The following PALM2AKAP2 variants were observed in gnomAD, a reference collection of about 807,000 sequenced individuals.
PALM2AKAP2 encodes the protein PALM2 and AKAP2 fusion, also known as PALM2-AKAP2 fusion protein.
A neutral mutation model predicts 71.5 loss-of-function variants in PALM2AKAP2; 37 were observed. That is an observed-to-expected ratio of 0.52 (90% confidence interval 0.40 to 0.68). The LOEUF (loss-of-function observed/expected upper bound fraction) is 0.68. Ranked by LOEUF, PALM2AKAP2 falls within the 30% of genes least tolerant of loss-of-function variation. The probability of loss-of-function intolerance (pLI) is 0.00; values close to 1 mark genes in which losing one functional copy is unlikely to be tolerated. For missense variants in PALM2AKAP2, 1,224 were observed against 1,191.8 expected (o/e 1.03, Z -0.40); for synonymous variants, 468 against 478.8 (o/e 0.98, Z 0.29).
Position 109,736,387 on chromosome 9 carries a change from G to A in PALM2AKAP2, c.6-44101G>A, listed in dbSNP as rs1401719123. Among the ~76,000 whole-genome samples, 7 of 152,138 alleles carry A rather than the reference G, an allele frequency of 4.6e-5. No homozygotes were observed. In the East Asian group the frequency reaches 1.2e-3, roughly 25 times the overall value. ...AAGACATGTTCCAAGAATGGTCTAG[G>A]TGTTATGAAAGGGCTTAATCTTCCA... On this transcript the variant is annotated intron_variant, in intron 1 of 6. Coordinates refer to the PALM2AKAP2 transcript ENST00000374531.
chr9:109,768,000 GGC>G (rs1238011130), intron 1 of PALM2AKAP2, among the ~76,000 whole-genome samples: 12,650 of 107,082 alleles, frequency 0.12, 1,522 homozygotes, highest in African/African-American at 0.27. Flanking sequence ...AGGGAGCAAA[GGC>G]AGGTAGGTAG....
chr9:109,716,845 G>T (rs909063376), intron 1 of PALM2AKAP2, among the ~76,000 whole-genome samples: 3 of 152,184 alleles, frequency 2.0e-5, no homozygotes, highest in Non-Finnish European at 4.4e-5. Flanking sequence ...GGTTAGGTTT[G>T]GCTTTTGGTT....
chr9:109,791,479 C>T (rs1564150297), intron 1 of PALM2AKAP2, among the ~76,000 whole-genome samples: 1 of 152,188 alleles, frequency 6.6e-6, no homozygotes, highest in Non-Finnish European at 1.5e-5. Context: ...TTCCAGCCTT[C>T]CTCCAGCAGA....
chr9:109,687,653 A>G (rs1176161069), intron 1 of PALM2AKAP2, among the ~76,000 whole-genome samples: 1 of 152,212 alleles, frequency 6.6e-6, no homozygotes, highest in Non-Finnish European at 1.5e-5. Flanking sequence ...TCTTGATATC[A>G]GCAATAAGAC....
At chr9:109,729,995 T>C (rs1483204143) in intron 1 of PALM2AKAP2, among the ~76,000 whole-genome samples, 4 of 152,228 alleles carry the variant, frequency 2.6e-5, no homozygotes, top group African/African-American at 9.6e-5. Context: ...AACAAGCGTG[T>C]ACTAATTATT....
At chr9:109,994,159 C>G (rs542596575) in intron 6 of PALM2AKAP2, among the ~76,000 whole-genome samples, 1 of 152,302 alleles carries the variant, frequency 6.6e-6, no homozygotes, top group South Asian at 2.1e-4. Flanking sequence ...TTATTCACAT[C>G]GTATATCAAA....
At chr9:109,806,391 A>G (rs1827573433) in intron 1 of PALM2AKAP2, among the ~76,000 whole-genome samples, 1 of 152,198 alleles carries the variant, frequency 6.6e-6, no homozygotes, top group African/African-American at 2.4e-5. Flanking sequence ...TATGTTATAG[A>G]TATATTTGTG....
chr9:110,135,164 A>AAAAAAAAT, intron 1 of PALM2AKAP2, among the ~76,000 whole-genome samples: 2 of 51,730 alleles, frequency 3.9e-5, no homozygotes, highest in East Asian at 2.5e-3. Context: ...AAAAAAAAAA[A>AAAAAAAAT]ATATATAAAT....
chr9:109,773,426 T>C (rs979617186), intron 1 of PALM2AKAP2, among the ~76,000 whole-genome samples: 1 of 152,222 alleles, frequency 6.6e-6, no homozygotes, highest in Admixed American at 6.5e-5. Flanking sequence ...CATGAGTCAC[T>C]GCACCTGGCC....
At chr9:109,801,247 A>T (rs979171297) in intron 1 of PALM2AKAP2, among the ~76,000 whole-genome samples, 22 of 152,218 alleles carry the variant, frequency 1.4e-4, no homozygotes, top group Non-Finnish European at 2.4e-4. Context: ...AGACAAGAGA[A>T]TGGGGAAGAT....
At chr9:109,772,923 C>A (rs1251102165) in intron 1 of PALM2AKAP2, among the ~76,000 whole-genome samples, 1 of 152,104 alleles carries the variant, frequency 6.6e-6, no homozygotes, top group Admixed American at 6.5e-5. Flanking sequence ...TGGAGACCAT[C>A]CTGGCTAACA....
intron 1 of PALM2AKAP2, among the ~76,000 whole-genome samples, chr9:110,109,329 A>C (rs1469413567): frequency 1.4e-5 from 2 of 144,788 alleles, no homozygotes; most frequent in Non-Finnish European, 3.0e-5. Context: ...AAAAAAAAAA[A>C]AAAAAAACCA....
At chr9:110,048,657 C>T (rs1351278521), upstream of PALM2AKAP2, 6 of 1,474,912 alleles carry the variant, frequency 4.1e-6, no homozygotes, top group South Asian at 1.3e-5. Flanking sequence ...GCGGGCGGGG[C>T]TCCCCGCCCT....
At chr9:109,887,996 A>G (rs1346533741) in intron 3 of PALM2AKAP2, among the ~76,000 whole-genome samples, 1 of 152,156 alleles carries the variant, frequency 6.6e-6, no homozygotes, top group East Asian at 1.9e-4. Context: ...GCCGGTCTTC[A>G]GCCTATTGTG....
At chr9:109,925,544 C>T (rs1830938320) in intron 5 of PALM2AKAP2, among the ~76,000 whole-genome samples, 1 of 152,076 alleles carries the variant, frequency 6.6e-6, no homozygotes, top group Admixed American at 6.5e-5. Context: ...TTTGCTTTCT[C>T]TCTCTCTCTC....
At chr9:109,800,955 G>A (rs1827413448) in intron 1 of PALM2AKAP2, among the ~76,000 whole-genome samples, 1 of 152,200 alleles carries the variant, frequency 6.6e-6, no homozygotes, top group South Asian at 2.1e-4. Context: ...TGATGAGTGG[G>A]AGATGGGGAA....
intron 1 of PALM2AKAP2, among the ~76,000 whole-genome samples, chr9:109,758,846 G>C (rs4978848): frequency 0.52 from 79,121 of 151,742 alleles, 20,865 homozygotes; most frequent in South Asian, 0.7. Flanking sequence ...TGGCTCTTTT[G>C]TTCATTTGTT....
intron 5 of PALM2AKAP2, among the ~76,000 whole-genome samples, chr9:109,926,562 G>A (rs189241552): frequency 1.3e-5 from 2 of 152,292 alleles, no homozygotes; most frequent in Admixed American, 6.5e-5. Flanking sequence ...GCTTCCCTGA[G>A]TCTGGGAAGA....
intron 7 of PALM2AKAP2, among the ~76,000 whole-genome samples, chr9:110,019,867 A>G (rs1310997977): frequency 6.6e-6 from 1 of 152,236 alleles, no homozygotes; most frequent in African/African-American, 2.4e-5. Context: ...TGATGGGTTC[A>G]GTAGAAGTCC....
Sources: allele counts gnomAD v4.1 joint callset (sites outside exome capture counted in the v4.1 genomes callset), GRCh38; gene constraint gnomAD v4.1.1; transcripts MANE v1.5; gene names NCBI Gene and HGNC (gene_info 2026-07-23, HGNC 2026-07-21).